The following ZNF697 variants were observed in gnomAD, a reference collection of about 807,000 sequenced individuals.
ZNF697 encodes zinc finger protein 697.
A neutral mutation model predicts 32.4 loss-of-function variants in ZNF697; 23 were observed. The observed-to-expected ratio is 0.71, with a 90% CI of 0.51 to 1.01. The LOEUF is 1.01. Ranked by LOEUF, ZNF697 falls within the 50% of genes least tolerant of loss-of-function variation. The pLI, the probability that ZNF697 is intolerant of heterozygous loss-of-function variation, is 0.00. For synonymous variants in ZNF697, 418 were observed against 337.2 expected (o/e 1.24, Z -2.62); for missense variants, 930 against 794.0 (o/e 1.17, Z -2.06).
chr1:119,633,132 A>G (rs1346685168), intron 1 of ZNF697, among the ~76,000 whole-genome samples: 1 of 152,218 alleles, frequency 6.6e-6, no homozygotes, highest in Non-Finnish European at 1.5e-5. Context: ...TTTTACAGAG[A>G]TGAAACTAAG....
At chr1:119,627,799 T>C (rs1362658432) in intron 1 of ZNF697, among the ~76,000 whole-genome samples, 2 of 152,264 alleles carry the variant, frequency 1.3e-5, no homozygotes, top group East Asian at 3.9e-4. Flanking sequence ...GCACCAAGTT[T>C]CCAACATTTG....
intron 2 of ZNF697, among the ~76,000 whole-genome samples, chr1:119,625,478 C>T (rs1167366616): frequency 6.6e-6 from 1 of 152,204 alleles, no homozygotes; most frequent in Non-Finnish European, 1.5e-5. Context: ...TAACTGTAAA[C>T]ATCTGGATAC....
chr1:119,619,394 T>A lies in ZNF697; in HGVS notation c.*3311A>T, dbSNP rs1309525061. 6.6e-6 allele frequency: 1 copy of A among 152,256 alleles called. No homozygotes were observed. Among genetic ancestry groups the A allele is most frequent in the African/African-American group, 2.4e-5 (1 of 41,450 alleles). 9.4% of individuals were successfully genotyped at this position (152,256 alleles called of 1,614,324 possible). ...TCCATAGATAGAGCTGAGTGACATT[T>A]AATGTGTGGCAAAGAAGAATGACAT... On this transcript the variant is annotated 3_prime_UTR_variant, in exon 3 of 3. Coordinates refer to ENST00000421812, the MANE Select transcript of ZNF697 (RefSeq NM_001080470.2).
At chr1:119,633,705 G>A (rs1192009132) in intron 1 of ZNF697, among the ~76,000 whole-genome samples, 2 of 152,208 alleles carry the variant, frequency 1.3e-5, no homozygotes, top group African/African-American at 4.8e-5. Flanking sequence ...CTGTGGCCCA[G>A]CCAAATTGAC....
At chr1:119,627,538 C>A (rs1648628204) in intron 1 of ZNF697, among the ~76,000 whole-genome samples, 1 of 152,188 alleles carries the variant, frequency 6.6e-6, no homozygotes. Context: ...GTTTTACAAG[C>A]GTGTAATACA....
intron 1 of ZNF697, among the ~76,000 whole-genome samples, chr1:119,637,007 G>C (rs1648941156): frequency 6.6e-6 from 1 of 152,098 alleles, no homozygotes; most frequent in South Asian, 2.1e-4. Flanking sequence ...CTGCTTACTT[G>C]GGCAGTGAGT....
chr1:119,645,230 A>T (rs1174824671), intron 1 of ZNF697, among the ~76,000 whole-genome samples: 1 of 152,216 alleles, frequency 6.6e-6, no homozygotes, highest in East Asian at 1.9e-4. Flanking sequence ...TCACAATTGC[A>T]ATGAATCATC....
rs368739384 is a variant in ZNF697 at position 119,623,734 on chromosome 1, G to C, written c.609C>G (p.Ala203=). The change falls in exon 3 of 3, where the codon GCC becomes GCG. Residue 203 remains alanine (A), a synonymous_variant. Transcript: ENST00000421812. ...DCGESFSPGA[A]FLQHQRIHRL... is the part of the protein sequence containing the mutation. ...GGTGAATGCGCTGGTGCTGCAGGAA[G>C]GCGGCGCCAGGACTGAAGCTCTCCC... 1.6e-5 allele frequency: 24 copies of C among 1,538,150 alleles called. No individual in the cohort carries two copies. The African/African-American group carries it at 3.0e-4, about 19-fold the overall frequency.
chr1:119,638,099 G>A (rs1648974914), intron 1 of ZNF697, among the ~76,000 whole-genome samples: 1 of 152,168 alleles, frequency 6.6e-6, no homozygotes, highest in Non-Finnish European at 1.5e-5. Flanking sequence ...ATTAAAAGGG[G>A]AGACTGCCTC....
chr1:119,636,655 T>C (rs781002735), intron 1 of ZNF697, among the ~76,000 whole-genome samples: 1 of 152,152 alleles, frequency 6.6e-6, no homozygotes, highest in Non-Finnish European at 1.5e-5. Flanking sequence ...ACACCCTATT[T>C]TACAGATGAG....
At chr1:119,637,064 T>C (rs1648942721) in intron 1 of ZNF697, among the ~76,000 whole-genome samples, 2 of 152,216 alleles carry the variant, frequency 1.3e-5, no homozygotes, top group South Asian at 4.1e-4. Flanking sequence ...ACAAAATGCT[T>C]TGTTATTTAA....
chr1:119,629,050 A>G (rs890875829), intron 1 of ZNF697, among the ~76,000 whole-genome samples: 3 of 152,208 alleles, frequency 2.0e-5, no homozygotes, highest in Non-Finnish European at 4.4e-5. Context: ...GACTAGTCCA[A>G]AGTCATACAA....
intron 2 of ZNF697, among the ~76,000 whole-genome samples, chr1:119,624,457 G>A (rs587720967): frequency 2.0e-5 from 3 of 152,336 alleles, no homozygotes; most frequent in East Asian, 1.9e-4. Flanking sequence ...GGGACACTAC[G>A]TAAGATCTCA....
At position 119,623,062 on chromosome 1, in the gene ZNF697, G is replaced by T. The variant is rs1472645215; in HGVS notation, c.1281C>A (p.His427Gln). The change falls in exon 3 of 3, where the codon CAC becomes CAA. Residue 427 changes from histidine to glutamine, a missense_variant. By Grantham distance (24) the His-to-Gln change is conservative. Transcript: ENST00000421812. ...TFSVSSHLFT[H>Q]KRTHSGERPY... ...GCCGCTCACCCGAGTGCGTGCGCTT[G>T]TGCGTGAAGAGGTGCGAGCTGACGC... 1 of 1,586,678 alleles carries T rather than the reference G, an allele frequency of 6.3e-7. No homozygotes were observed. The highest frequency in any genetic ancestry group is 1.3e-5 in the African/African-American group (1 of 74,198).
Position 119,623,566 on chromosome 1 carries a change from CT to C in ZNF697, c.776del (p.Lys259SerfsTer18). 1 of 1,497,454 alleles carries C rather than the reference CT, an allele frequency of 6.7e-7. No homozygotes were observed. Among genetic ancestry groups the C allele is most frequent in the East Asian group, 2.7e-5 (1 of 36,434 alleles). 92.8% of individuals were successfully genotyped at this position (1,497,454 alleles called of 1,614,324 possible). A position where few individuals can be genotyped will look rare whatever the true frequency, so the allele number is the denominator to read the frequency against. On this transcript the variant is annotated frameshift_variant, in exon 3 of 3. Transcript: ENST00000421812. LOFTEE classifies it high-confidence loss of function. The stretch of plus-strand genomic sequence containing the variant: ...TGCCGCACTCCCCGCAGCGGAAGGG[CT>C]TTTCGCGCGGGGGCCGGGCCAGCGG... ...GPPLARPPRE[K>X]PFRCGECGKG...
At chr1:119,638,006 G>A (rs1273023443) in intron 1 of ZNF697, among the ~76,000 whole-genome samples, 1 of 151,936 alleles carries the variant, frequency 6.6e-6, no homozygotes, top group African/African-American at 2.4e-5. Context: ...AAGGAGAGGG[G>A]AAGACCATGA....
chr1:119,632,402 T>C (rs901588789), intron 1 of ZNF697, among the ~76,000 whole-genome samples: 2 of 152,228 alleles, frequency 1.3e-5, no homozygotes, highest in African/African-American at 4.8e-5. Flanking sequence ...ACCTAAGTGT[T>C]GCCCGCTCTC....
chr1:119,645,235 A>G (rs1649171056), intron 1 of ZNF697, among the ~76,000 whole-genome samples: 1 of 152,212 alleles, frequency 6.6e-6, no homozygotes, highest in Admixed American at 6.5e-5. Context: ...ATTGCAATGA[A>G]TCATCACAGG....
chr1:119,635,974 A>G (rs796203310), intron 1 of ZNF697, among the ~76,000 whole-genome samples: 36 of 152,200 alleles, frequency 2.4e-4, no homozygotes, highest in African/African-American at 8.4e-4. Context: ...GTTTCAGCCA[A>G]TGGTGCACAG....
Sources: gnomAD v4.1 joint callset for allele counts (sites outside exome capture counted in the v4.1 genomes callset) on GRCh38, gnomAD v4.1.1 for gene constraint, MANE v1.5 for transcripts, NCBI Gene and HGNC (gene_info 2026-07-23, HGNC 2026-07-21) for gene names.